The following INPP4B variants were observed in gnomAD, a reference collection of about 807,000 sequenced individuals.
The protein encoded by INPP4B is inositol polyphosphate 4-phosphatase type II.
INPP4B carries 55 observed loss-of-function variants against 122.5 expected under a neutral mutation model. That is an observed-to-expected ratio of 0.45 (90% CI 0.36 to 0.56). The LOEUF (loss-of-function observed/expected upper bound fraction) is 0.56. INPP4B is among the 20% of genes least tolerant of loss of function. INPP4B has a pLI of 0.00. For synonymous variants in INPP4B, 403 were observed against 388.7 expected (o/e 1.04, Z -0.43); for missense variants, 1,000 against 1,097.7 (o/e 0.91, Z 1.26).
intron 7 of INPP4B, among the ~76,000 whole-genome samples, chr4:142,319,711 C>A (rs2151393246): frequency 6.6e-6 from 1 of 152,300 alleles, no homozygotes; most frequent in African/African-American, 2.4e-5. Context: ...ATAAAGGAGT[C>A]CAGTCTTTAC....
chr4:142,305,581 T>C, intron 8 of INPP4B, 44 bp from the exon 9 acceptor site: 1 of 1,579,936 alleles, frequency 6.3e-7, no homozygotes, highest in Non-Finnish European at 8.6e-7. Flanking sequence ...TGAGGTTCTT[T>C]AATATTTTTG....
At chr4:142,612,841 C>T (rs995668883) in intron 2 of INPP4B, among the ~76,000 whole-genome samples, 1 of 152,120 alleles carries the variant, frequency 6.6e-6, no homozygotes, top group Non-Finnish European at 1.5e-5. Context: ...AAGAAGCATT[C>T]AGTCTGTAGC....
At chr4:142,401,895 T>G (rs953132007) in intron 7 of INPP4B, among the ~76,000 whole-genome samples, 1 of 152,350 alleles carries the variant, frequency 6.6e-6, no homozygotes, top group Non-Finnish European at 1.5e-5. Context: ...GAAATGAACT[T>G]TTCTGGGGCT....
chr4:142,639,065 G>A, intron 2 of INPP4B, among the ~76,000 whole-genome samples: 1 of 152,134 alleles, frequency 6.6e-6, no homozygotes, highest in African/African-American at 2.4e-5. Context: ...CCTTGCTGAA[G>A]TGTTGAATTA....
intron 2 of INPP4B, among the ~76,000 whole-genome samples, chr4:142,468,864 G>A (rs1818305794): frequency 6.6e-6 from 1 of 152,062 alleles, no homozygotes; most frequent in Admixed American, 6.6e-5. Flanking sequence ...AATGAACTAA[G>A]ACAACAGGTT....
intron 2 of INPP4B, among the ~76,000 whole-genome samples, chr4:142,480,561 T>C (rs1240220824): frequency 6.6e-6 from 1 of 152,220 alleles, no homozygotes; most frequent in Non-Finnish European, 1.5e-5. Context: ...CAAGGATCTC[T>C]GCTGGCCATC....
chr4:142,131,438 G>A (rs1323270409), intron 18 of INPP4B, among the ~76,000 whole-genome samples: 1 of 151,798 alleles, frequency 6.6e-6, no homozygotes, highest in Non-Finnish European at 1.5e-5. Flanking sequence ...TCCCAGTAAT[G>A]TTCAAGACCA....
chr4:142,739,012 T>G (rs1450277290), intron 1 of INPP4B, among the ~76,000 whole-genome samples: 1 of 152,138 alleles, frequency 6.6e-6, no homozygotes, highest in Non-Finnish European at 1.5e-5. Context: ...GACTTTGTAG[T>G]AATACAGGAT....
intron 12 of INPP4B, among the ~76,000 whole-genome samples, chr4:142,234,865 GT>G (rs1432120300): frequency 6.6e-6 from 1 of 152,148 alleles, no homozygotes; most frequent in Non-Finnish European, 1.5e-5. Context: ...GTTAGCAAAT[GT>G]TTTGCTGTGA....
intron 2 of INPP4B, among the ~76,000 whole-genome samples, chr4:142,644,320 G>A (rs1751240243): frequency 6.6e-6 from 1 of 151,550 alleles, no homozygotes. Flanking sequence ...AGGAGGAGGA[G>A]GAGGGCGAGA....
chr4:142,733,736 G>T (rs331939), intron 1 of INPP4B, among the ~76,000 whole-genome samples: 1 of 151,956 alleles, frequency 6.6e-6, no homozygotes, highest in Admixed American at 6.5e-5. Flanking sequence ...CTTTGATAGT[G>T]TCTCACCTTA....
At chr4:142,721,482 G>C (rs1764671505) in intron 2 of INPP4B, among the ~76,000 whole-genome samples, 2 of 152,112 alleles carry the variant, frequency 1.3e-5, no homozygotes, top group Admixed American at 1.3e-4. Context: ...TTCCTACAGT[G>C]GTGTTATAAA....
At chr4:142,405,382 C>T in intron 5 of INPP4B, 58 bp from the exon 6 acceptor site, 2 of 1,065,430 alleles carry the variant, frequency 1.9e-6, no homozygotes, top group Middle Eastern at 4.0e-4. Context: ...TCAGGGAAAA[C>T]TTCTGCGCCG....
chr4:142,446,608 C>G (rs1298709534), intron 3 of INPP4B, among the ~76,000 whole-genome samples: 1 of 152,038 alleles, frequency 6.6e-6, no homozygotes, highest in Non-Finnish European at 1.5e-5. Flanking sequence ...ATATTGAAAA[C>G]AGGCTAAGTG....
At chr4:142,209,117 A>C (rs1843772421) in intron 12 of INPP4B, 91 bp from the exon 13 acceptor site, 18 of 886,628 alleles carry the variant, frequency 2.0e-5, no homozygotes, top group Non-Finnish European at 2.9e-5. Flanking sequence ...ATAATAAGAA[A>C]TTATTTCATC....
At chr4:142,039,389 T>C (rs1042529523) in intron 25 of INPP4B, among the ~76,000 whole-genome samples, 2 of 152,188 alleles carry the variant, frequency 1.3e-5, no homozygotes, top group African/African-American at 4.8e-5. Context: ...TTATACCTTT[T>C]GTTCCAGTTC....
Position 142,393,161 on chromosome 4 carries a change from G to C in INPP4B, c.372+9777C>G, listed in dbSNP as rs539659891. Among the ~76,000 whole-genome samples, 380 of 152,184 alleles carry C rather than the reference G, an allele frequency of 2.5e-3. 3 individuals carry two copies. Among genetic ancestry groups the C allele is most frequent in the African/African-American group, 8.6e-3 (356 of 41,528 alleles). The stretch of plus-strand genomic sequence containing the variant: ...CATGCCGAGGCTGAAAACCCCAAAT[G>C]ATGGTAACTGAGAGTGGTGCCAAGG... On this transcript the variant is annotated intron_variant, in intron 7 of 25. Coordinates refer to ENST00000262992, the MANE Select transcript of INPP4B (RefSeq NM_001101669.3).
chr4:142,288,466 C>T (rs1363889503), intron 9 of INPP4B, among the ~76,000 whole-genome samples: 1 of 152,092 alleles, frequency 6.6e-6, no homozygotes, highest in African/African-American at 2.4e-5. Context: ...TGCCTGTAGT[C>T]CCAGCTACTC....
At position 142,023,534 on chromosome 4, in the gene INPP4B, A is replaced by ATATT. The variant is rs1412017447; in HGVS notation, c.*5244_*5247dup. On this transcript the variant is annotated 3_prime_UTR_variant, in exon 26 of 26. Transcript: ENST00000262992. ...GAAAGTTTCATAGTTGTTTAACAAA[A>ATATT]TATTTTTAATGTTGATAGTGACATA... 1 of 152,204 alleles carries ATATT rather than the reference A, an allele frequency of 6.6e-6. No individual in the cohort carries two copies. Among genetic ancestry groups the ATATT allele is most frequent in the Non-Finnish European group, 1.5e-5 (1 of 68,032 alleles). The allele number at this position is 152,204 out of a possible 1,614,324, so 9.4% of individuals were successfully genotyped here. A position where few individuals can be genotyped will look rare whatever the true frequency, so the allele number is the denominator to read the frequency against.
Sources: allele counts gnomAD v4.1 joint callset (sites outside exome capture counted in the v4.1 genomes callset), GRCh38; gene constraint gnomAD v4.1.1; transcripts MANE v1.5; gene names NCBI Gene and HGNC (gene_info 2026-07-23, HGNC 2026-07-21).